ZNF25: variants seen among roughly 807,000 people sequenced by gnomAD.
ZNF25 encodes the protein zinc finger protein 25 (KOX 19).
A neutral mutation model predicts 30.9 loss-of-function variants in ZNF25; 21 were observed. The ratio of observed to expected loss-of-function variants is 0.68; its 90% confidence interval spans 0.48 to 0.98. The LOEUF is 0.98. Among genes scored for constraint, ZNF25 ranks in the 50% least tolerant of loss-of-function variants. ZNF25 has a pLI of 0.00. For missense variants in ZNF25, 501 were observed against 529.9 expected, an observed-to-expected ratio of 0.95 and a Z score of 0.54; for synonymous variants, 169 against 181.3, an observed-to-expected ratio of 0.93 and a Z score of 0.55.
chr10:37,956,280 G>T (rs1426507458), intron 4 of ZNF25, among the ~76,000 whole-genome samples: 3 of 152,126 alleles, frequency 2.0e-5, no homozygotes, highest in Non-Finnish European at 4.4e-5. Context: ...AAGAAAAAAT[G>T]GGAAGTTAAA....
intron 4 of ZNF25, among the ~76,000 whole-genome samples, chr10:37,956,188 C>T (rs2062508100): frequency 6.6e-6 from 1 of 152,112 alleles, no homozygotes; most frequent in African/African-American, 2.4e-5. Context: ...GAAGGATAAA[C>T]ACTGTATAGC....
Position 37,955,400 on chromosome 10 carries a change from C to T in ZNF25, c.238+1620G>A, listed in dbSNP as rs74135606. Among the ~76,000 whole-genome samples the T allele has an allele frequency of 7.7e-3, 1,179 of 152,240 alleles. 18 individuals carry two copies. The highest frequency in any genetic ancestry group is 0.027 in the African/African-American group (1,137 of 41,556). On this transcript the variant is annotated intron_variant, in intron 4 of 5. Coordinates refer to ENST00000302609, the MANE Select transcript of ZNF25 (RefSeq NM_145011.4). Reference sequence around the variant, plus strand: ...TACCATGCAGGCTTCTGGCAATGTACATCTGCTGCATTACACAACTACTGT... The same window carrying T: ...TACCATGCAGGCTTCTGGCAATGTATATCTGCTGCATTACACAACTACTGT...
chr10:37,953,346 G>A, intron 5 of ZNF25, 151 bp from the exon 6 acceptor site: 1 of 722,848 alleles, frequency 1.4e-6, no homozygotes, highest in Middle Eastern at 3.9e-4. Context: ...TCTCCACTGT[G>A]AGCATTCTCT....
At chr10:37,973,151 A>G (rs927514483) in intron 1 of ZNF25, among the ~76,000 whole-genome samples, 3 of 151,722 alleles carry the variant, frequency 2.0e-5, no homozygotes, top group Non-Finnish European at 4.4e-5. Flanking sequence ...CTAGGCAACA[A>G]GAGCAAAACT....
chr10:37,976,116 A>T (rs969390370), intron 1 of ZNF25, among the ~76,000 whole-genome samples: 1 of 152,220 alleles, frequency 6.6e-6, no homozygotes, highest in African/African-American at 2.4e-5. Context: ...TACCCTATTC[A>T]GTACCCAAAG....
In ZNF25 at chr10:37,949,707, G is replaced by T. The variant is rs567048701; in HGVS notation, c.*2420C>A. Reference sequence around the variant, plus strand: ...AATGTAGCTGATGGAATTGGGTATTGTAAGTTTTTTGTTATTGGGTTACGT... The same window carrying T: ...AATGTAGCTGATGGAATTGGGTATTTTAAGTTTTTTGTTATTGGGTTACGT... On this transcript the variant is annotated 3_prime_UTR_variant, in exon 6 of 6. Coordinates refer to ENST00000302609, the MANE Select transcript of ZNF25 (RefSeq NM_145011.4). 1.3e-5 allele frequency: 2 copies of T among 152,534 alleles called. No homozygotes were observed. The highest frequency in any genetic ancestry group is 4.1e-4 in the South Asian group (2 of 4,828). The allele number at this position is 152,534 out of a possible 1,614,324, so 9.4% of individuals were successfully genotyped here.
In ZNF25 at chr10:37,955,809, G is replaced by A. The variant is rs2062483503; in HGVS notation, c.238+1211C>T. ...TCTCATGCCTAAGCCTCAGCCTCCC[G>A]AATAGCTGGGACTACAGGTGTGCAC... On this transcript the variant is annotated intron_variant, in intron 4 of 5. Transcript: ENST00000302609. Among the ~76,000 whole-genome samples the A allele has an allele frequency of 2.0e-5, 3 of 152,072 alleles. No homozygotes were observed. The East Asian group carries it at 5.8e-4, about 29-fold the overall frequency.
chr10:37,949,838 TG>T lies in ZNF25; in HGVS notation c.*2288del, dbSNP rs1478921059. On this transcript the variant is annotated 3_prime_UTR_variant, in exon 6 of 6. Transcript: ENST00000302609. ...TTTGGGAGAAAACAAAGGAATACTGTGGGGCAGTATCAATGAACAATTCGAC... is the reference window on the plus strand; with the variant it reads ...TTTGGGAGAAAACAAAGGAATACTGTGGGCAGTATCAATGAACAATTCGAC... The T allele has an allele frequency of 3.3e-5, 5 of 152,610 alleles. No individual in the cohort carries two copies. The highest frequency in any genetic ancestry group is 7.2e-5 in the African/African-American group (3 of 41,442). The allele number at this position is 152,610 out of a possible 1,614,324, so 9.5% of individuals were successfully genotyped here.
rs754732051 is a variant in ZNF25, at chr10:37,952,204, CACACTCCTG to C, written c.1285_1293del (p.Gln429_Cys431del). On this transcript the variant is annotated inframe_deletion, in exon 6 of 6. Transcript: ENST00000302609. ...TGTGACTTCTGGATAAAGGTTTCCCCACACTCCTGACACTCATAGGGCTTCTCCCCTGTG... is the reference window on the plus strand; with the variant it reads ...TGTGACTTCTGGATAAAGGTTTCCCCACACTCATAGGGCTTCTCCCCTGTG... 1.2e-5 allele frequency: 19 copies of C among 1,613,226 alleles called. No individual in the cohort carries two copies. Among genetic ancestry groups the C allele is most frequent in the Non-Finnish European group, 1.6e-5 (19 of 1,179,606 alleles).
In ZNF25 at chr10:37,952,305, T is replaced by C. The variant is rs758284706; in HGVS notation, c.1193A>G (p.Tyr398Cys). ...HQRTHTGEKP[Y>C]ACKECGKSFS... is the part of the protein sequence containing the mutation. ...GGACTTCCCACATTCCTTGCATGCATAGGGCTTCTCTCCTGTGTGAGTCCT... is the reference window on the plus strand; with the variant it reads ...GGACTTCCCACATTCCTTGCATGCACAGGGCTTCTCTCCTGTGTGAGTCCT... The change falls in exon 6 of 6, where the codon TAT becomes TGT. Residue 398 changes from tyrosine to cysteine, a missense_variant. Tyr to Cys is a radical substitution (Grantham distance 194). Coordinates refer to ENST00000302609, the MANE Select transcript of ZNF25 (RefSeq NM_145011.4). 2.5e-6 allele frequency: 4 copies of C among 1,613,174 alleles called. No homozygotes were observed. Among genetic ancestry groups the C allele is most frequent in the Admixed American group, 1.7e-5 (1 of 59,904 alleles).
chr10:37,957,280 C>CGTA, intron 3 of ZNF25, 140 bp downstream of exon 3: 1 of 1,327,368 alleles, frequency 7.5e-7, no homozygotes, highest in South Asian at 1.4e-5. Context: ...TTTTCTAGTA[C>CGTA]CCAAAATGGA....
At position 37,950,138 on chromosome 10, in the gene ZNF25, GA is replaced by G. The variant is rs1398541054; in HGVS notation, c.*1988del. 6.6e-6 allele frequency: 1 copy of G among 152,538 alleles called. No homozygotes were observed. Among genetic ancestry groups the G allele is most frequent in the Non-Finnish European group, 1.5e-5 (1 of 68,010 alleles). The allele number at this position is 152,538 out of a possible 1,614,324, so 9.4% of individuals were successfully genotyped here. On this transcript the variant is annotated 3_prime_UTR_variant, in exon 6 of 6. Coordinates refer to ENST00000302609, the MANE Select transcript of ZNF25 (RefSeq NM_145011.4). ...CTTTTATTTTCAGCTCTAAGTAACAGAAAAACTTACTTTGTAAAGTGCTAGA... is the reference window on the plus strand; with the variant it reads ...CTTTTATTTTCAGCTCTAAGTAACAGAAAACTTACTTTGTAAAGTGCTAGA...
In ZNF25 at chr10:37,951,796, G is replaced by A. The variant is rs945790123; in HGVS notation, c.*331C>T. The A allele has an allele frequency of 3.1e-5, 7 of 225,680 alleles. No homozygotes were observed. The highest frequency in any genetic ancestry group is 1.0e-4 in the Admixed American group (2 of 19,096). The allele number at this position is 225,680 out of a possible 1,614,324, so 14.0% of individuals were successfully genotyped here. A position where few individuals can be genotyped will look rare whatever the true frequency, so the allele number is the denominator to read the frequency against. On this transcript the variant is annotated 3_prime_UTR_variant, in exon 6 of 6. Coordinates refer to ENST00000302609, the MANE Select transcript of ZNF25 (RefSeq NM_145011.4). The stretch of plus-strand genomic sequence containing the variant: ...TGGCTGCCCTGACAGAAAATGTCTT[G>A]ACATTCGTTTTACTTACAGGATTTT...
chr10:37,956,595 C>T lies in ZNF25; in HGVS notation c.238+425G>A, dbSNP rs540039028. Among the ~76,000 whole-genome samples, 75 of 152,140 alleles carry T rather than the reference C, an allele frequency of 4.9e-4. 1 individual carries two copies. In the South Asian group the frequency reaches 0.011, roughly 23 times the overall value. Reference sequence around the variant, plus strand: ...CACGTGCAAATAAAGTGTCCTTAATCGCTTCCAAAACTACAGGGCATTTAT... The same window carrying T: ...CACGTGCAAATAAAGTGTCCTTAATTGCTTCCAAAACTACAGGGCATTTAT... On this transcript the variant is annotated intron_variant, in intron 4 of 5. Transcript: ENST00000302609.
At chr10:37,976,099 C>T (rs916560894) in intron 1 of ZNF25, among the ~76,000 whole-genome samples, 3 of 152,216 alleles carry the variant, frequency 2.0e-5, no homozygotes, top group Non-Finnish European at 2.9e-5. Flanking sequence ...TCATACTTTA[C>T]ATCTATTACC....
rs1590230289 is a variant in ZNF25, at chr10:37,960,262, G to C, written c.16-2716C>G. Among the ~76,000 whole-genome samples the C allele has an allele frequency of 2.0e-5, 3 of 152,144 alleles. No individual in the cohort carries two copies. In the East Asian group the frequency reaches 5.8e-4, roughly 29 times the overall value. On this transcript the variant is annotated intron_variant, in intron 2 of 5. Transcript: ENST00000302609. Reference sequence around the variant, plus strand: ...TTTTTGCAGATACACATATGAGTAAGTTTCCACAAACAGAATTTTCAAATA... The same window carrying C: ...TTTTTGCAGATACACATATGAGTAACTTTCCACAAACAGAATTTTCAAATA...
rs1295433240 is a variant in ZNF25, at chr10:37,952,966, C to G, written c.532G>C (p.Glu178Gln). The change falls in exon 6 of 6, where the codon GAA becomes CAA. Residue 178 changes from glutamate (E) to glutamine (Q), a missense_variant. Glu to Gln is a conservative substitution (Grantham distance 29, BLOSUM62 2). Coordinates refer to ENST00000302609, the MANE Select transcript of ZNF25 (RefSeq NM_145011.4). ...HTRDKTYECK[E>Q]CKKIFYHLSS... ...AGGTGGTAAAATATTTTCTTACATT[C>G]TTTACACTCATAGGTTTTATCTCTC... The G allele has an allele frequency of 6.2e-7, 1 of 1,614,134 alleles. No homozygotes were observed. Among genetic ancestry groups the G allele is most frequent in the African/African-American group, 1.3e-5 (1 of 75,056 alleles).
chr10:37,965,246 G>A (rs1311428116), intron 2 of ZNF25, among the ~76,000 whole-genome samples: 1 of 152,106 alleles, frequency 6.6e-6, no homozygotes, highest in Non-Finnish European at 1.5e-5. Flanking sequence ...GCAATGTTGA[G>A]GGGAAATGTG....
chr10:37,953,887 T>C (rs2062346117), intron 4 of ZNF25, 129 bp from the exon 5 acceptor site: 2 of 834,776 alleles, frequency 2.4e-6, no homozygotes, highest in Non-Finnish European at 3.7e-6. Context: ...CTCTAGCCCA[T>C]TGTTTTGGGA....
Sources: allele counts gnomAD v4.1 joint callset (sites outside exome capture counted in the v4.1 genomes callset), GRCh38; gene constraint gnomAD v4.1.1; transcripts MANE v1.5; gene names NCBI Gene and HGNC (gene_info 2026-07-23, HGNC 2026-07-21).